The following DNMT3B variants were observed in gnomAD, a reference collection of about 807,000 sequenced individuals.
The protein encoded by DNMT3B is DNA (cytosine-5)-methyltransferase 3B.
DNMT3B carries 37 observed loss-of-function variants against 120.2 expected under a neutral mutation model. The observed-to-expected ratio is 0.31, with a 90% CI of 0.24 to 0.40. The LOEUF (loss-of-function observed/expected upper bound fraction) is 0.40. Among genes scored for constraint, DNMT3B ranks in the 10% least tolerant of loss-of-function variants. The pLI is 1.00. For synonymous variants in DNMT3B, 412 were observed against 442.8 expected (o/e 0.93, Z 0.87); for missense variants, 878 against 1,137.3 (o/e 0.77, Z 3.28).
In DNMT3B at chr20:32,795,690, G is replaced by A. The variant is rs1980534872; in HGVS notation, c.1293G>A (p.Leu431=). Residue 431 remains leucine (L), a synonymous_variant, in exon 12 of 23, where the codon CTG becomes CTA. Coordinates refer to ENST00000328111, the MANE Select transcript of DNMT3B (RefSeq NM_006892.4). The stretch of plus-strand genomic sequence containing the variant: ...ATGTTGCCAACAACAAGAGCAGCCT[G>A]GAAGGTAACGTTCTCTCCCTCCCAG... ...ASDVANNKSS[L]EDGCLSCGRK... is the part of the protein sequence containing the mutation. 6.2e-7 allele frequency: 1 copy of A among 1,614,040 alleles called. No individual in the cohort carries two copies. Among genetic ancestry groups the A allele is most frequent in the Admixed American group, 1.7e-5 (1 of 59,998 alleles).
intron 1 of DNMT3B, among the ~76,000 whole-genome samples, chr20:32,769,357 G>A (rs373689162): frequency 2.0e-5 from 3 of 152,184 alleles, no homozygotes; most frequent in African/African-American, 7.2e-5. Context: ...AAAGTACTGG[G>A]ATTACAGGCG....
In DNMT3B at chr20:32,799,337, G is replaced by T. The variant is rs940166107; in HGVS notation, c.1759+9G>T. The T allele has an allele frequency of 6.2e-7, 1 of 1,610,502 alleles. No individual in the cohort carries two copies. The highest frequency in any genetic ancestry group is 8.5e-7 in the Non-Finnish European group (1 of 1,178,604). The stretch of plus-strand genomic sequence containing the variant: ...TGATGGCATCGCGACAGGTGAGTTC[G>T]GGGAACACCTGGAGACACTGCTATC... On this transcript the variant is annotated intron_variant, in intron 16 of 22. Transcript: ENST00000328111.
intron 21 of DNMT3B, 123 bp from the exon 22 acceptor site, chr20:32,806,086 C>T (rs924906786): frequency 1.7e-5 from 15 of 907,416 alleles, no homozygotes; most frequent in Non-Finnish European, 2.4e-5. Flanking sequence ...TTTTCTCTCC[C>T]AGCCCTGCCA....
intron 14 of DNMT3B, 24 bp downstream of exon 14, chr20:32,797,323 G>A (rs1313264855): frequency 1.2e-6 from 2 of 1,609,316 alleles, no homozygotes; most frequent in African/African-American, 1.3e-5. Flanking sequence ...CCTGTGGGGT[G>A]GATGTGGGTG....
At chr20:32,799,021 C>T (rs1369362800) in intron 15 of DNMT3B, among the ~76,000 whole-genome samples, 4 of 152,208 alleles carry the variant, frequency 2.6e-5, no homozygotes, top group African/African-American at 9.7e-5. Context: ...TCTGTGCATA[C>T]ATATCTGGCT....
At chr20:32,788,655 A>G (rs1458666253) in intron 6 of DNMT3B, among the ~76,000 whole-genome samples, 199 bp from the exon 7 acceptor site, 3 of 151,784 alleles carry the variant, frequency 2.0e-5, no homozygotes, top group African/African-American at 4.8e-5. Flanking sequence ...CCGGGCTGGT[A>G]TCCAACTCCT....
chr20:32,796,819 C>T lies in DNMT3B; in HGVS notation c.1327C>T (p.Pro443Ser), dbSNP rs752929250. The change falls in exon 13 of 23, where the codon CCC becomes TCC. Residue 443 changes from proline (P) to serine (S), a missense_variant. This residue lies in a region of DNMT3B where 207 missense variants were observed against 222.6 expected (regional missense o/e 0.93). Transcript: ENST00000328111. ...DGCLSCGRKN[P>S]VSFHPLFEGG... is the part of the protein sequence containing the mutation. ...CTGTTTGTCTTGTGGCAGGAAAAAC[C>T]CCGTGTCCTTCCACCCTCTCTTTGA... 2.5e-6 allele frequency: 4 copies of T among 1,614,204 alleles called. No homozygotes were observed. The highest frequency in any genetic ancestry group is 3.4e-6 in the Non-Finnish European group (4 of 1,180,034).
chr20:32,807,995 C>T lies in DNMT3B; in HGVS notation c.*92C>T. On this transcript the variant is annotated 3_prime_UTR_variant, in exon 23 of 23. Coordinates refer to ENST00000328111, the MANE Select transcript of DNMT3B (RefSeq NM_006892.4). ...AAGGCATCCCCAGGCCCTGCTCTTCCTCAGCTGTGTGGGTCATACCGTGTA... is the reference window on the plus strand; with the variant it reads ...AAGGCATCCCCAGGCCCTGCTCTTCTTCAGCTGTGTGGGTCATACCGTGTA... The T allele has an allele frequency of 6.2e-7, 1 of 1,605,306 alleles. No homozygotes were observed. The highest frequency in any genetic ancestry group is 1.3e-5 in the African/African-American group (1 of 74,864).
chr20:32,783,761 T>A (rs1228004288), intron 3 of DNMT3B, among the ~76,000 whole-genome samples: 1 of 152,166 alleles, frequency 6.6e-6, no homozygotes, highest in Non-Finnish European at 1.5e-5. Context: ...GTCTCCAGTC[T>A]GTCGCCCAGG....
intron 7 of DNMT3B, 26 bp from the exon 8 acceptor site, chr20:32,791,575 A>G: frequency 1.2e-6 from 2 of 1,611,258 alleles, no homozygotes; most frequent in Non-Finnish European, 1.7e-6. Context: ...CTGTAGGTGG[A>G]TGTTGATGAT....
intron 10 of DNMT3B, among the ~76,000 whole-genome samples, chr20:32,793,957 G>C (rs1042419781): frequency 3.3e-5 from 5 of 152,048 alleles, no homozygotes; most frequent in Non-Finnish European, 5.9e-5. Context: ...AAGATTTTCT[G>C]TGTAGATGGA....
chr20:32,766,972 C>G (rs1987406323), intron 1 of DNMT3B, among the ~76,000 whole-genome samples: 1 of 152,042 alleles, frequency 6.6e-6, no homozygotes, highest in Non-Finnish European at 1.5e-5. Flanking sequence ...CTCACTGCAA[C>G]CTTTGCTTCC....
chr20:32,785,183 G>A (rs771150822), intron 4 of DNMT3B, among the ~76,000 whole-genome samples: 3 of 151,980 alleles, frequency 2.0e-5, no homozygotes, highest in Non-Finnish European at 2.9e-5. Context: ...GGGACTACAC[G>A]CACCTACCAC....
At chr20:32,779,797 AG>A (rs1487225833) in intron 1 of DNMT3B, 2 of 404,912 alleles carry the variant, frequency 4.9e-6, no homozygotes, top group African/African-American at 7.7e-5. Context: ...AGAGGAGAGA[AG>A]CGGTTCTGTG....
At chr20:32,807,642 G>T (rs1334498161) in intron 22 of DNMT3B, 120 bp from the exon 23 acceptor site, 10 of 1,456,214 alleles carry the variant, frequency 6.9e-6, no homozygotes, top group Non-Finnish European at 9.5e-6. Context: ...AGGTCCTTGG[G>T]GACCTTACTG....
chr20:32,786,232 G>GGCC (rs1979272021), intron 4 of DNMT3B, among the ~76,000 whole-genome samples: 1 of 152,244 alleles, frequency 6.6e-6, no homozygotes, highest in Non-Finnish European at 1.5e-5. Context: ...CATTTCAGCT[G>GGCC]GCCATGTCTG....
intron 7 of DNMT3B, 57 bp downstream of exon 7, chr20:32,789,069 C>T (rs2145961368): frequency 6.2e-7 from 1 of 1,605,120 alleles, no homozygotes; most frequent in Non-Finnish European, 8.5e-7. Context: ...CTGCCTGCCT[C>T]CCTTTGAAGA....
At chr20:32,796,927 C>G (rs1161377583) in intron 13 of DNMT3B, 58 bp downstream of exon 13, 3 of 1,614,166 alleles carry the variant, frequency 1.9e-6, no homozygotes, top group Non-Finnish European at 2.5e-6. Flanking sequence ...TAACTCCCCT[C>G]TCCTTCCCAA....
chr20:32,785,041 C>CTT (rs11389019), intron 4 of DNMT3B, among the ~76,000 whole-genome samples, 182 bp downstream of exon 4: 4,774 of 148,398 alleles, frequency 0.032, 255 homozygotes, highest in African/African-American at 0.11. Flanking sequence ...TTTCTTTTTT[C>CTT]TTTTTTTTTT....
Sources: gnomAD v4.1 joint callset for allele counts (sites outside exome capture counted in the v4.1 genomes callset) on GRCh38, gnomAD v4.1.1 for gene constraint, gnomAD v4.1.1 regional missense constraint, MANE v1.5 for transcripts, NCBI Gene and HGNC (gene_info 2026-07-23, HGNC 2026-07-21) for gene names.